The following METTL9 variants were observed in gnomAD, a reference collection of about 807,000 sequenced individuals.
The protein encoded by METTL9 is protein-L-histidine N-pros-methyltransferase.
Under a neutral mutation model 36.0 loss-of-function variants are expected in METTL9, and 10 were observed. The observed-to-expected ratio is 0.28, with a 90% confidence interval of 0.17 to 0.47. METTL9 has a LOEUF of 0.47. METTL9 is among the 20% of genes least tolerant of loss of function. The pLI is 0.99. For synonymous variants in METTL9, 175 were observed against 149.7 expected (o/e 1.17, Z -1.23); for missense variants, 246 against 383.5 (o/e 0.64, Z 3.00).
upstream of METTL9, chr16:21,597,263 G>C: frequency 7.8e-7 from 1 of 1,289,002 alleles, no homozygotes; most frequent in Non-Finnish European, 1.0e-6. Flanking sequence ...TAGATGGATC[G>C]AAAGACCACG....
Position 21,652,546 on chromosome 16 carries a change from A to G in METTL9, c.752-2681A>G, listed in dbSNP as rs376663815. ...AAGAACCTTACCGACACAAAATAGA[A>G]TGAGATTGGTTTGCAGATGGCGAGC... On this transcript the variant is annotated intron_variant, in intron 4 of 4. Transcript: ENST00000358154. 2.0e-5 allele frequency: 33 copies of G among 1,611,074 alleles called. No homozygotes were observed. The highest frequency in any genetic ancestry group is 5.1e-6 in the Non-Finnish European group (6 of 1,178,536).
intron 4 of METTL9, chr16:21,653,653 T>G (rs900613789): frequency 1.3e-5 from 2 of 152,450 alleles, no homozygotes; most frequent in Admixed American, 1.3e-4. Context: ...TGCCAAACAC[T>G]AGGTGCCATC....
intron 4 of METTL9, among the ~76,000 whole-genome samples, chr16:21,636,723 G>T (rs558776050): frequency 3.7e-4 from 56 of 152,318 alleles, no homozygotes; most frequent in Non-Finnish European, 6.0e-4. Flanking sequence ...TGAAGAGTCG[G>T]GGGTTGTTAG....
chr16:21,637,706 G>A (rs757234240), intron 4 of METTL9, among the ~76,000 whole-genome samples: 5 of 152,242 alleles, frequency 3.3e-5, no homozygotes, highest in African/African-American at 9.6e-5. Flanking sequence ...GCTGGCCCGC[G>A]TGCGCTGCGC....
chr16:21,644,424 A>T, intron 4 of METTL9: 1 of 1,472,876 alleles, frequency 6.8e-7, no homozygotes, highest in Non-Finnish European at 9.5e-7. Context: ...AAAGAAGCAC[A>T]TTGACTATTA....
At chr16:21,632,368 C>T (rs1032025532) in intron 4 of METTL9, among the ~76,000 whole-genome samples, 1 of 152,192 alleles carries the variant, frequency 6.6e-6, no homozygotes, top group East Asian at 1.9e-4. Context: ...GGCTTACTTT[C>T]AAGTACGGTT....
intron 3 of METTL9, among the ~76,000 whole-genome samples, chr16:21,622,870 T>A (rs1296479531): frequency 6.6e-6 from 1 of 152,238 alleles, no homozygotes; most frequent in Non-Finnish European, 1.5e-5. Flanking sequence ...GGCTTCTGCT[T>A]CATTGCAGAT....
intron 4 of METTL9, chr16:21,647,598 C>T: frequency 7.3e-7 from 1 of 1,371,634 alleles, no homozygotes; most frequent in East Asian, 2.4e-5. Context: ...TTTTTCTTAC[C>T]TTAATCCCAA....
chr16:21,608,573 G>A (rs933586813), intron 1 of METTL9, among the ~76,000 whole-genome samples: 3 of 152,156 alleles, frequency 2.0e-5, no homozygotes, highest in African/African-American at 7.2e-5. Context: ...GTAAGGCCAT[G>A]TATGGGTTCT....
chr16:21,644,562 G>A (rs556671398), intron 4 of METTL9, among the ~76,000 whole-genome samples: 2 of 152,160 alleles, frequency 1.3e-5, no homozygotes, highest in Non-Finnish European at 2.9e-5. Context: ...GTATGTAATA[G>A]TTAAAGCCAG....
intron 4 of METTL9, among the ~76,000 whole-genome samples, chr16:21,630,391 G>T (rs1965927633): frequency 2.0e-5 from 3 of 152,252 alleles, no homozygotes; most frequent in Non-Finnish European, 2.9e-5. Context: ...CCCCAGAGAG[G>T]AGGCCCCTAC....
At chr16:21,631,133 T>C (rs12446414) in intron 4 of METTL9, among the ~76,000 whole-genome samples, 13,008 of 152,106 alleles carry the variant, frequency 0.086, 893 homozygotes, top group East Asian at 0.29. Context: ...CCTTTGATAG[T>C]GTGTAATAGT....
intron 4 of METTL9, among the ~76,000 whole-genome samples, chr16:21,629,602 CA>C (rs1965897038): frequency 6.6e-6 from 1 of 152,156 alleles, no homozygotes; most frequent in Non-Finnish European, 1.5e-5. Flanking sequence ...TTGCTGGCCT[CA>C]GGAGTGAAGC....
chr16:21,597,230 T>C (rs1199929401), upstream of METTL9: 2 of 1,285,220 alleles, frequency 1.6e-6, no homozygotes, highest in East Asian at 5.6e-5. Context: ...GGAGGCTCTC[T>C]GAGAAGAGAC....
intron 4 of METTL9, chr16:21,641,540 C>T (rs2141609998): frequency 6.3e-7 from 1 of 1,579,310 alleles, no homozygotes; most frequent in Non-Finnish European, 8.7e-7. Flanking sequence ...GTTTCTATGG[C>T]CTTTCATAGT....
chr16:21,648,640 A>G (rs1391035395), intron 4 of METTL9, among the ~76,000 whole-genome samples: 1 of 152,230 alleles, frequency 6.6e-6, no homozygotes, highest in Non-Finnish European at 1.5e-5. Context: ...TGAAGCTGGA[A>G]AGCCACTCGA....
chr16:21,632,481 A>G (rs1172517327), intron 4 of METTL9, among the ~76,000 whole-genome samples: 1 of 152,188 alleles, frequency 6.6e-6, no homozygotes, highest in Non-Finnish European at 1.5e-5. Context: ...GGGGCCTTCT[A>G]AGAGATCATC....
At chr16:21,615,925 G>A (rs956777619) in intron 2 of METTL9, among the ~76,000 whole-genome samples, 1 of 152,074 alleles carries the variant, frequency 6.6e-6, no homozygotes, top group African/African-American at 2.4e-5. Flanking sequence ...AGTTGTAGTC[G>A]GTAGCATCAC....
upstream of METTL9, chr16:21,597,434 T>C (rs1964972350): frequency 4.4e-5 from 22 of 496,994 alleles, no homozygotes; most frequent in South Asian, 3.9e-4. Flanking sequence ...GTATTTTAAA[T>C]GTATGAGTGA....
Sources: allele counts gnomAD v4.1 joint callset (sites outside exome capture counted in the v4.1 genomes callset), GRCh38; gene constraint gnomAD v4.1.1; transcripts MANE v1.5; gene names NCBI Gene and HGNC (gene_info 2026-07-23, HGNC 2026-07-21).